The following RBFOX3 variants were observed in gnomAD, a reference collection of about 807,000 sequenced individuals.
RBFOX3 encodes the protein RNA binding fox-1 homolog 3.
In RBFOX3, 17 loss-of-function variants were observed where a neutral mutation model predicts 48.7. The observed-to-expected ratio is 0.35, with a 90% CI of 0.24 to 0.52. The LOEUF (loss-of-function observed/expected upper bound fraction) is 0.52. Ranked by LOEUF, RBFOX3 falls within the 20% of genes least tolerant of loss-of-function variation. RBFOX3 has a pLI of 0.94. For synonymous variants in RBFOX3, 212 were observed against 209.5 expected, an observed-to-expected ratio of 1.01 and a Z score of -0.10; for missense variants, 382 against 497.5, an observed-to-expected ratio of 0.77 and a Z score of 2.21.
chr17:79,356,361 T>G lies in RBFOX3; in HGVS notation c.-174-48537A>C, dbSNP rs1371433063. Among the ~76,000 whole-genome samples the G allele has an allele frequency of 3.7e-3, 210 of 56,224 alleles. 6 individuals carry two copies. Among genetic ancestry groups the G allele is most frequent in the African/African-American group, 0.014 (197 of 14,284 alleles). The allele number at this position is 56,224 out of a possible 152,430, so 36.9% of individuals were successfully genotyped here. On this transcript the variant is annotated intron_variant, in intron 2 of 14. Transcript: ENST00000693108. ...TAAAACAGGGAAGTTTTTTTTTTTTTTTTTTTTTTTTTTTTTTTTTTTTTT... is the reference window on the plus strand; with the variant it reads ...TAAAACAGGGAAGTTTTTTTTTTTTGTTTTTTTTTTTTTTTTTTTTTTTTT...
At chr17:79,108,279 C>T (rs1568143113) in intron 5 of RBFOX3, among the ~76,000 whole-genome samples, 1 of 152,210 alleles carries the variant, frequency 6.6e-6, no homozygotes, top group African/African-American at 2.4e-5. Context: ...GAGGCCTACA[C>T]GGCAGCCGGT....
At chr17:79,573,452 C>A (rs1436636734) in intron 1 of RBFOX3, among the ~76,000 whole-genome samples, 1 of 152,162 alleles carries the variant, frequency 6.6e-6, no homozygotes, top group Non-Finnish European at 1.5e-5. Flanking sequence ...GAGGGGCTTC[C>A]AGGCTGAGCA....
At chr17:79,558,937 C>G (rs1051077848) in intron 1 of RBFOX3, among the ~76,000 whole-genome samples, 218 of 152,158 alleles carry the variant, frequency 1.4e-3, no homozygotes, top group Admixed American at 3.2e-3. Context: ...GGGCAGGTGC[C>G]CTCACATAGC....
chr17:79,105,363 C>T lies in RBFOX3; in HGVS notation c.361-1237G>A, dbSNP rs150971712. Among the ~76,000 whole-genome samples, 1,133 of 152,294 alleles carry T rather than the reference C, an allele frequency of 7.4e-3. 11 individuals carry two copies. The highest frequency in any genetic ancestry group is 0.012 in the Non-Finnish European group (807 of 68,012). ...CCAGGGAGCTGACAGGGGATGGTGT[C>T]CCCGTCCTGCAGGGACTGAGTGTAT... is the stretch of plus-strand genomic sequence containing the variant. On this transcript the variant is annotated intron_variant, in intron 6 of 14. Transcript: ENST00000693108.
At chr17:79,225,540 C>T (rs1029962566) in intron 4 of RBFOX3, among the ~76,000 whole-genome samples, 1 of 152,216 alleles carries the variant, frequency 6.6e-6, no homozygotes, top group Non-Finnish European at 1.5e-5. Context: ...ATGTGCCCAC[C>T]TCAGCCTCCC....
intron 1 of RBFOX3, among the ~76,000 whole-genome samples, chr17:79,510,424 C>T (rs990041029): frequency 2.6e-5 from 4 of 152,226 alleles, no homozygotes; most frequent in Admixed American, 6.5e-5. Flanking sequence ...CCACCCTACC[C>T]TCAGACGACA....
At chr17:79,643,694 T>C in the RBFOX3 span, among the ~76,000 whole-genome samples, 1 of 152,186 alleles carries the variant, frequency 6.6e-6, no homozygotes, top group Non-Finnish European at 1.5e-5. Context: ...AAATATTCTA[T>C]AGGTCAAAGT....
intron 2 of RBFOX3, among the ~76,000 whole-genome samples, chr17:79,331,747 G>C (rs994511204): frequency 2.0e-5 from 3 of 152,212 alleles, no homozygotes; most frequent in Non-Finnish European, 4.4e-5. Context: ...CCTGCCCGCT[G>C]TTAACACCCC....
chr17:79,523,951 A>C (rs989241918), intron 1 of RBFOX3, among the ~76,000 whole-genome samples: 34 of 152,194 alleles, frequency 2.2e-4, no homozygotes, highest in South Asian at 1.2e-3. Context: ...ACGGGGCCAG[A>C]CTTTCACAGC....
At chr17:79,297,934 G>A (rs764648790) in intron 3 of RBFOX3, among the ~76,000 whole-genome samples, 13 of 152,258 alleles carry the variant, frequency 8.5e-5, no homozygotes, top group East Asian at 1.9e-4. Context: ...CCAACAACGC[G>A]TGTGTCTGGG....
In RBFOX3 at chr17:79,137,712, A is replaced by G. The variant is rs115607047; in HGVS notation, c.-33-21964T>C. 5.4e-3 allele frequency among the ~76,000 whole-genome samples: 821 copies of G among 152,338 alleles called. 5 individuals carry two copies. Among genetic ancestry groups the G allele is most frequent in the African/African-American group, 0.019 (780 of 41,580 alleles). On this transcript the variant is annotated intron_variant, in intron 4 of 14. Transcript: ENST00000693108. Reference sequence around the variant, plus strand: ...TCTTTTCCCGTTAGGCGCCTGGCTCATGGAAGAGGCGAGTGTGGATCTAAT... The same window carrying G: ...TCTTTTCCCGTTAGGCGCCTGGCTCGTGGAAGAGGCGAGTGTGGATCTAAT...
intron 3 of RBFOX3, among the ~76,000 whole-genome samples, chr17:79,283,899 G>A (rs4789990): frequency 0.07 from 6,438 of 92,424 alleles, 237 homozygotes; most frequent in Middle Eastern, 0.12. Context: ...AAATGGAGAT[G>A]CCTTCTCCAG....
chr17:79,175,635 G>C (rs975149219), intron 4 of RBFOX3, among the ~76,000 whole-genome samples: 2 of 152,228 alleles, frequency 1.3e-5, no homozygotes, highest in Non-Finnish European at 2.9e-5. Flanking sequence ...TGGCTCCCCA[G>C]TGCTCCCTGG....
At chr17:79,097,068 T>C (rs1343040755) in intron 11 of RBFOX3, among the ~76,000 whole-genome samples, 1 of 152,008 alleles carries the variant, frequency 6.6e-6, no homozygotes, top group Non-Finnish European at 1.5e-5. Context: ...GGGCTCTGAA[T>C]GTCCCCCTAA....
At chr17:79,381,041 C>A (rs189858379) in intron 2 of RBFOX3, among the ~76,000 whole-genome samples, 4 of 152,298 alleles carry the variant, frequency 2.6e-5, no homozygotes, top group Non-Finnish European at 5.9e-5. Context: ...GTGGGCGAAT[C>A]ATGAGGTCAG....
At chr17:79,485,453 A>G (rs916449969) in intron 1 of RBFOX3, among the ~76,000 whole-genome samples, 372 of 152,168 alleles carry the variant, frequency 2.4e-3, no homozygotes, top group African/African-American at 8.1e-3. Flanking sequence ...CTCCAACCCC[A>G]CTGCTCCCCT....
the RBFOX3 span, among the ~76,000 whole-genome samples, chr17:79,634,335 T>A: frequency 6.6e-6 from 1 of 151,922 alleles, no homozygotes; most frequent in Non-Finnish European, 1.5e-5. Context: ...AGGAAAAGAG[T>A]GAATCCCACT....
chr17:79,521,072 C>G (rs1023413681), intron 1 of RBFOX3, among the ~76,000 whole-genome samples: 7 of 152,162 alleles, frequency 4.6e-5, no homozygotes, highest in East Asian at 1.9e-4. Context: ...CCGGAAGACA[C>G]GCAAAGAGGA....
In RBFOX3 at chr17:79,089,859, C is replaced by G. The variant is rs960459442; in HGVS notation, c.*1024G>C. On this transcript the variant is annotated 3_prime_UTR_variant, in exon 15 of 15. Transcript: ENST00000693108. ...GGAGCAGGGAAGGGGCCGGCCCAGG[C>G]TTCCCCATCCCTTGCCCTTCCCATG... The G allele has an allele frequency of 3.3e-5, 5 of 152,486 alleles. No homozygotes were observed. The highest frequency in any genetic ancestry group is 1.2e-4 in the African/African-American group (5 of 41,458). The allele number at this position is 152,486 out of a possible 1,614,324, so 9.4% of individuals were successfully genotyped here.
Sources: gnomAD v4.1 joint callset for allele counts (sites outside exome capture counted in the v4.1 genomes callset) on GRCh38, gnomAD v4.1.1 for gene constraint, MANE v1.5 for transcripts, NCBI Gene and HGNC (gene_info 2026-07-23, HGNC 2026-07-21) for gene names.